KCNC2: variants seen among roughly 807,000 people sequenced by gnomAD.
KCNC2 encodes the protein voltage-gated potassium channel KCNC2.
In KCNC2, 21 loss-of-function variants were observed where a neutral mutation model predicts 44.5. The ratio of observed to expected loss-of-function variants is 0.47; its 90% CI spans 0.33 to 0.68. The LOEUF is 0.68. Among genes scored for constraint, KCNC2 ranks in the 30% least tolerant of loss-of-function variants. The pLI is 0.01. For missense variants in KCNC2, 589 were observed against 826.2 expected (o/e 0.71, Z 3.52); for synonymous variants, 391 against 339.1 (o/e 1.15, Z -1.68).
intron 2 of KCNC2, among the ~76,000 whole-genome samples, chr12:75,164,864 A>G (rs1032728014): frequency 6.6e-6 from 1 of 151,258 alleles, no homozygotes; most frequent in African/African-American, 2.4e-5. Flanking sequence ...TTGAATATTC[A>G]TTATTACTTC....
chr12:75,184,148 T>C (rs917128372), intron 2 of KCNC2, among the ~76,000 whole-genome samples: 2 of 152,214 alleles, frequency 1.3e-5, no homozygotes, highest in African/African-American at 2.4e-5. Flanking sequence ...AACACTTATA[T>C]TTGATAGTAA....
At chr12:75,196,681 T>A (rs1297007722) in intron 2 of KCNC2, among the ~76,000 whole-genome samples, 1 of 152,084 alleles carries the variant, frequency 6.6e-6, no homozygotes, top group Non-Finnish European at 1.5e-5. Flanking sequence ...GAATTCATAT[T>A]TAGCGTATTC....
chr12:75,157,166 T>A (rs968921669), intron 2 of KCNC2, among the ~76,000 whole-genome samples: 3 of 151,916 alleles, frequency 2.0e-5, no homozygotes, highest in Non-Finnish European at 2.9e-5. Context: ...CATTTTGTAA[T>A]TGCCTTAAAG....
At chr12:75,203,442 T>G (rs1309420170) in intron 2 of KCNC2, among the ~76,000 whole-genome samples, 1 of 151,876 alleles carries the variant, frequency 6.6e-6, no homozygotes, top group African/African-American at 2.4e-5. Context: ...ATAGATTCGC[T>G]ATCACAATCC....
At chr12:75,066,925 G>A (rs552553328) in intron 2 of KCNC2, among the ~76,000 whole-genome samples, 13 of 152,204 alleles carry the variant, frequency 8.5e-5, no homozygotes, top group Admixed American at 2.6e-4. Flanking sequence ...AAGCTTAGGT[G>A]GGCATGGTGG....
chr12:75,100,653 G>A (rs997424506), intron 2 of KCNC2, among the ~76,000 whole-genome samples: 9 of 151,850 alleles, frequency 5.9e-5, no homozygotes, highest in Non-Finnish European at 1.3e-4. Context: ...TTAACTTCAT[G>A]TATTCATCTA....
intron 2 of KCNC2, among the ~76,000 whole-genome samples, chr12:75,068,626 T>C (rs12307528): frequency 0.032 from 4,892 of 152,304 alleles, 237 homozygotes; most frequent in African/African-American, 0.11. Context: ...ATATTTGGAC[T>C]GATAAAAAGC....
intron 2 of KCNC2, among the ~76,000 whole-genome samples, chr12:75,154,603 C>A (rs2137485701): frequency 6.6e-6 from 1 of 152,160 alleles, no homozygotes; most frequent in Admixed American, 6.6e-5. Context: ...CCAATACCAT[C>A]TGTGCTGCTA....
chr12:75,041,466 T>C lies in KCNC2; in HGVS notation c.*1639A>G. Reference sequence around the variant, plus strand: ...TTGTCTTCCTAACAAAAAATAAACATGAGAAATAGGAATTAATCAGCAGTC... The same window carrying C: ...TTGTCTTCCTAACAAAAAATAAACACGAGAAATAGGAATTAATCAGCAGTC... On this transcript the variant is annotated 3_prime_UTR_variant, in exon 5 of 5. Transcript: ENST00000549446. The C allele has an allele frequency of 2.4e-6, 3 of 1,243,186 alleles. No individual in the cohort carries two copies. Among genetic ancestry groups the C allele is most frequent in the Non-Finnish European group, 3.1e-6 (3 of 982,564 alleles). The allele number at this position is 1,243,186 out of a possible 1,614,324, so 77.0% of individuals were successfully genotyped here.
In KCNC2 at chr12:75,102,300, T is replaced by C. The variant is rs79155207; in HGVS notation, c.688-50983A>G. Among the ~76,000 whole-genome samples, 582 of 152,200 alleles carry C rather than the reference T, an allele frequency of 3.8e-3. 2 individuals carry two copies. The highest frequency in any genetic ancestry group is 0.013 in the African/African-American group (547 of 41,552). On this transcript the variant is annotated intron_variant, in intron 2 of 4. Transcript: ENST00000549446. ...ACGTAAGGACAAAAAGAGAGAATCATGTTGAGTAAATCTGACTCTTTTTTT... is the reference window on the plus strand; with the variant it reads ...ACGTAAGGACAAAAAGAGAGAATCACGTTGAGTAAATCTGACTCTTTTTTT...
chr12:75,098,657 G>T (rs11180363), intron 2 of KCNC2, among the ~76,000 whole-genome samples: 63,253 of 151,692 alleles, frequency 0.42, 16,408 homozygotes, highest in Non-Finnish European at 0.58. Context: ...TGCTTGGGAG[G>T]CTGAGGCAGG....
In KCNC2 at chr12:75,041,519, T is replaced by A; in HGVS notation, c.*1586A>T. On this transcript the variant is annotated 3_prime_UTR_variant, in exon 5 of 5. Coordinates refer to ENST00000549446, the MANE Select transcript of KCNC2 (RefSeq NM_139137.4). Reference sequence around the variant, plus strand: ...AAGGCTCCCAAATGCCTTAGTGATATTATTTATCCCTCTATTTATATTACG... The same window carrying A: ...AAGGCTCCCAAATGCCTTAGTGATAATATTTATCCCTCTATTTATATTACG... 1 of 1,155,368 alleles carries A rather than the reference T, an allele frequency of 8.7e-7. No individual in the cohort carries two copies. The highest frequency in any genetic ancestry group is 1.1e-6 in the Non-Finnish European group (1 of 928,706). The allele number at this position is 1,155,368 out of a possible 1,614,324, so 71.6% of individuals were successfully genotyped here. A position where few individuals can be genotyped will look rare whatever the true frequency, so the allele number is the denominator to read the frequency against.
intron 2 of KCNC2, among the ~76,000 whole-genome samples, chr12:75,109,589 C>T (rs183363661): frequency 2.0e-5 from 3 of 152,224 alleles, no homozygotes; most frequent in South Asian, 2.1e-4. Context: ...AGAGAAGTAC[C>T]TTTGTGCAGA....
intron 3 of KCNC2, among the ~76,000 whole-genome samples, chr12:75,049,723 C>T (rs1428710547): frequency 1.3e-5 from 2 of 151,858 alleles, no homozygotes; most frequent in Admixed American, 6.6e-5. Context: ...TCATCTATTC[C>T]CTGAAAAATG....
At chr12:75,072,474 G>C (rs1054543504) in intron 2 of KCNC2, among the ~76,000 whole-genome samples, 5 of 152,004 alleles carry the variant, frequency 3.3e-5, no homozygotes, top group African/African-American at 1.2e-4. Flanking sequence ...AGACCTTTCA[G>C]GGAGTCCTGT....
chr12:75,162,236 C>T (rs1891167182), intron 2 of KCNC2, among the ~76,000 whole-genome samples: 2 of 151,592 alleles, frequency 1.3e-5, no homozygotes, highest in Non-Finnish European at 3.0e-5. Flanking sequence ...AAACATCTTC[C>T]TAAAATTTAT....
At chr12:75,085,841 G>T (rs1394796910) in intron 2 of KCNC2, among the ~76,000 whole-genome samples, 1 of 151,814 alleles carries the variant, frequency 6.6e-6, no homozygotes, top group African/African-American at 2.4e-5. Flanking sequence ...AAAATATAAA[G>T]AACAAGAAAA....
intron 2 of KCNC2, among the ~76,000 whole-genome samples, chr12:75,193,424 A>G (rs1467765339): frequency 1.3e-5 from 2 of 152,124 alleles, no homozygotes; most frequent in African/African-American, 4.8e-5. Context: ...GGCAACATGT[A>G]CTAGGAGAGG....
chr12:75,201,914 C>A (rs1330360159), intron 2 of KCNC2, among the ~76,000 whole-genome samples: 3 of 151,666 alleles, frequency 2.0e-5, no homozygotes, highest in Non-Finnish European at 4.4e-5. Flanking sequence ...TCTTTAATGC[C>A]CTTTACTATT....
Sources: allele counts gnomAD v4.1 joint callset (sites outside exome capture counted in the v4.1 genomes callset), GRCh38; gene constraint gnomAD v4.1.1; transcripts MANE v1.5; gene names NCBI Gene and HGNC (gene_info 2026-07-23, HGNC 2026-07-21).